VSX2: variants seen among roughly 807,000 people sequenced by gnomAD.
The protein encoded by VSX2 is visual system homeobox 2.
A neutral mutation model predicts 32.1 loss-of-function variants in VSX2; 28 were observed. The ratio of observed to expected loss-of-function variants is 0.87; its 90% CI spans 0.65 to 1.20. The LOEUF is 1.20. Ranked by LOEUF, VSX2 falls within the 50% of genes most tolerant of loss-of-function variation. The pLI, the probability that VSX2 is intolerant of heterozygous loss-of-function variation, is 0.00. For synonymous variants in VSX2, 243 were observed against 214.1 expected, an observed-to-expected ratio of 1.14 and a Z score of -1.18; for missense variants, 506 against 488.7, an observed-to-expected ratio of 1.04 and a Z score of -0.33.
chr14:74,241,197 C>T lies in VSX2; in HGVS notation c.386C>T (p.Ser129Phe), dbSNP rs748322613. The T allele has an allele frequency of 6.2e-7, 1 of 1,613,454 alleles. No homozygotes were observed. Among genetic ancestry groups the T allele is most frequent in the Admixed American group, 1.7e-5 (1 of 60,036 alleles). ...QTASSDSEDVSSSDRKMSKSA... is the reference protein window; with the variant it reads ...QTASSDSEDVFSSDRKMSKSA... ...CGCTTTTCAGATTCTGAAGATGTTT[C>T]CTCCAGCGATCGAAAAATGTCCAAA... Residue 129 changes from serine to phenylalanine, a missense_variant, in exon 2 of 5, where the codon TCC becomes TTC. Coordinates refer to ENST00000261980, the MANE Select transcript of VSX2 (RefSeq NM_182894.3).
chr14:74,240,730 G>A (rs767464722), intron 1 of VSX2, among the ~76,000 whole-genome samples: 103 of 152,228 alleles, frequency 6.8e-4, no homozygotes, highest in Admixed American at 4.3e-3. Flanking sequence ...GCCGCCTTGC[G>A]AAAAGGACGG....
chr14:74,245,008 CAGAG>C (rs374813517), intron 2 of VSX2, among the ~76,000 whole-genome samples, 153 bp from the exon 3 acceptor site: 21 of 86,828 alleles, frequency 2.4e-4, no homozygotes, highest in Admixed American at 1.7e-3. Context: ...GAGAGAGAGA[CAGAG>C]AGAGAGAGAG....
chr14:74,251,148 C>T (rs2079226377), intron 3 of VSX2, among the ~76,000 whole-genome samples: 1 of 151,916 alleles, frequency 6.6e-6, no homozygotes. Flanking sequence ...AACCTCGTCT[C>T]TACTAAAAAT....
At chr14:74,242,833 G>T (rs1310333620) in intron 2 of VSX2, among the ~76,000 whole-genome samples, 2 of 152,006 alleles carry the variant, frequency 1.3e-5, no homozygotes, top group Non-Finnish European at 2.9e-5. Context: ...GGAGAGCCCT[G>T]GAAAAAGCAT....
At chr14:74,248,111 T>G (rs1024407500) in intron 3 of VSX2, among the ~76,000 whole-genome samples, 3 of 151,944 alleles carry the variant, frequency 2.0e-5, no homozygotes, top group African/African-American at 4.8e-5. Context: ...TCCCCATCAT[T>G]TCCCCTCCAC....
At chr14:74,251,113 G>A in intron 3 of VSX2, among the ~76,000 whole-genome samples, 1 of 151,674 alleles carries the variant, frequency 6.6e-6, no homozygotes. Context: ...TCAGGAGTTC[G>A]AGACCAGCCC....
chr14:74,257,724 C>A (rs1194084080), intron 3 of VSX2, among the ~76,000 whole-genome samples: 1 of 138,812 alleles, frequency 7.2e-6, no homozygotes, highest in African/African-American at 2.8e-5. Flanking sequence ...CCACCCACTT[C>A]CCCCGAGCCC....
intron 3 of VSX2, among the ~76,000 whole-genome samples, chr14:74,251,009 A>G (rs1407251551): frequency 6.7e-6 from 1 of 150,204 alleles, no homozygotes; most frequent in Non-Finnish European, 1.5e-5. Context: ...TTCCGATTTA[A>G]TTGGTTTAAA....
At position 74,247,717 on chromosome 14, in the gene VSX2, G is replaced by C. The variant is rs147206927; in HGVS notation, c.579+2429G>C. Among the ~76,000 whole-genome samples the C allele has an allele frequency of 9.3e-4, 141 of 152,166 alleles. 1 individual carries two copies. Among genetic ancestry groups the C allele is most frequent in the African/African-American group, 3.3e-3 (136 of 41,514 alleles). ...AGTCTTTGCTTTGACTTGAAGCTGGGGGAGCATAGGTGATTTGAAGTCAGG... is the reference window on the plus strand; with the variant it reads ...AGTCTTTGCTTTGACTTGAAGCTGGCGGAGCATAGGTGATTTGAAGTCAGG... On this transcript the variant is annotated intron_variant, in intron 3 of 4. Coordinates refer to ENST00000261980, the MANE Select transcript of VSX2 (RefSeq NM_182894.3).
Position 74,240,078 on chromosome 14 carries a change from G to T in VSX2, c.370+147G>T, listed in dbSNP as rs2079139467. 1.0e-5 allele frequency: 11 copies of T among 1,081,544 alleles called. No individual in the cohort carries two copies. In the East Asian group the frequency reaches 2.4e-4, roughly 24 times the overall value. The allele number at this position is 1,081,544 out of a possible 1,614,324, so 67.0% of individuals were successfully genotyped here. A position where few individuals can be genotyped will look rare whatever the true frequency, so the allele number is the denominator to read the frequency against. On this transcript the variant is annotated intron_variant, in intron 1 of 4. Transcript: ENST00000261980. ...CGCCGCCTGGGCCTTGGGCCGACGC[G>T]CCTGGTGATGGGGCCCGGGAGGATG... is the stretch of plus-strand genomic sequence containing the variant.
intron 2 of VSX2, among the ~76,000 whole-genome samples, chr14:74,243,208 A>G (rs1014121543): frequency 6.6e-6 from 1 of 152,140 alleles, no homozygotes; most frequent in Non-Finnish European, 1.5e-5. Context: ...CCAGAAACAA[A>G]CCAGACTTAA....
chr14:74,239,639 G>C lies in VSX2; in HGVS notation c.78G>C (p.Pro26=). Residue 26 remains proline, a synonymous_variant, in exon 1 of 5, where the codon CCG becomes CCC. Transcript: ENST00000261980. The part of the protein sequence containing the change: ...TVAKSTSGGA[P]ARCTGFGIQE... Reference sequence around the variant, plus strand: ...CCAAGAGTACCTCGGGGGGCGCCCCGGCCAGGTGCACTGGGTTCGGCATCC... The same window carrying C: ...CCAAGAGTACCTCGGGGGGCGCCCCCGCCAGGTGCACTGGGTTCGGCATCC... 2 of 1,550,814 alleles carry C rather than the reference G, an allele frequency of 1.3e-6. No individual in the cohort carries two copies. The highest frequency in any genetic ancestry group is 1.2e-5 in the South Asian group (1 of 84,036).
Position 74,241,891 on chromosome 14 carries a change from C to A in VSX2, c.455+625C>A, listed in dbSNP as rs956708442. ...GGCGATGTAGACTGGACGGTCCCACCAGCCGTAGCTGGAGTAGGGTGGACT... is the reference window on the plus strand; with the variant it reads ...GGCGATGTAGACTGGACGGTCCCACAAGCCGTAGCTGGAGTAGGGTGGACT... On this transcript the variant is annotated intron_variant, in intron 2 of 4. Coordinates refer to ENST00000261980, the MANE Select transcript of VSX2 (RefSeq NM_182894.3). 2.0e-5 allele frequency among the ~76,000 whole-genome samples: 3 copies of A among 152,236 alleles called. No homozygotes were observed. The East Asian group carries it at 5.8e-4, about 29-fold the overall frequency.
In VSX2 at chr14:74,239,643, A is replaced by C; in HGVS notation, c.82A>C (p.Arg28=). Residue 28 remains arginine, a synonymous_variant, in exon 1 of 5, where the codon AGG becomes CGG. Transcript: ENST00000261980. The stretch of plus-strand genomic sequence containing the variant: ...GAGTACCTCGGGGGGCGCCCCGGCC[A>C]GGTGCACTGGGTTCGGCATCCAGGA... The part of the protein sequence containing the change: ...AKSTSGGAPA[R]CTGFGIQEIL... The C allele has an allele frequency of 6.4e-7, 1 of 1,550,550 alleles. No homozygotes were observed. Among genetic ancestry groups the C allele is most frequent in the Non-Finnish European group, 8.7e-7 (1 of 1,146,826 alleles).
At chr14:74,240,911 C>T (rs1482093925) in intron 1 of VSX2, among the ~76,000 whole-genome samples, 1 of 152,168 alleles carries the variant, frequency 6.6e-6, no homozygotes, top group African/African-American at 2.4e-5. Flanking sequence ...AAGGCTGCCT[C>T]GCTCTCCGTC....
chr14:74,241,990 C>T (rs2079153203), intron 2 of VSX2, among the ~76,000 whole-genome samples: 2 of 152,132 alleles, frequency 1.3e-5, no homozygotes, highest in African/African-American at 4.8e-5. Context: ...ATGGAAATTA[C>T]TTGCACAAAG....
At chr14:74,255,628 AC>A (rs1343413797) in intron 3 of VSX2, among the ~76,000 whole-genome samples, 1 of 152,110 alleles carries the variant, frequency 6.6e-6, no homozygotes, top group Admixed American at 6.5e-5. Flanking sequence ...CCGAGTCTGC[AC>A]CCCCTTCTTT....
At chr14:74,260,453 TG>T in intron 4 of VSX2, 140 bp from the exon 5 acceptor site, 1 of 910,346 alleles carries the variant, frequency 1.1e-6, no homozygotes, top group Non-Finnish European at 1.7e-6. Flanking sequence ...GGTCCAGCCC[TG>T]GGACTTGTGT....
In VSX2 at chr14:74,239,888, C is replaced by G; in HGVS notation, c.327C>G (p.Gly109=). 2 of 1,574,374 alleles carry G rather than the reference C, an allele frequency of 1.3e-6. No homozygotes were observed. The highest frequency in any genetic ancestry group is 2.0e-4 in the Middle Eastern group (1 of 5,116). The change falls in exon 1 of 5, where the codon GGC becomes GGG. Residue 109 remains glycine, a synonymous_variant. Coordinates refer to ENST00000261980, the MANE Select transcript of VSX2 (RefSeq NM_182894.3). ...DPQSVHLQPL[G]RASGPLDTSQ... ...AGAGCGTCCACTTGCAGCCATTGGG[C>G]AGAGCATCGGGGCCGCTGGACACCA... is the stretch of plus-strand genomic sequence containing the variant.
Sources: allele counts gnomAD v4.1 joint callset (sites outside exome capture counted in the v4.1 genomes callset), GRCh38; gene constraint gnomAD v4.1.1; transcripts MANE v1.5; gene names NCBI Gene and HGNC (gene_info 2026-07-23, HGNC 2026-07-21).